Variants in DCAF5 observed in about 807,000 individuals in gnomAD.
DCAF5 encodes the protein DDB1- and CUL4-associated factor 5.
In DCAF5, 9 loss-of-function variants were observed where a neutral mutation model predicts 80.7. That is an observed-to-expected ratio of 0.11 (90% CI 0.07 to 0.19). The LOEUF (loss-of-function observed/expected upper bound fraction) is 0.19, where lower values mean the gene tolerates loss of function less well. Ranked by LOEUF, DCAF5 falls within the 10% of genes least tolerant of loss-of-function variation. DCAF5 has a pLI of 1.00. For synonymous variants in DCAF5, 433 were observed against 461.9 expected, an observed-to-expected ratio of 0.94 and a Z score of 0.80; for missense variants, 842 against 1,205.7, an observed-to-expected ratio of 0.70 and a Z score of 4.47.
intron 5 of DCAF5, among the ~76,000 whole-genome samples, chr14:69,093,407 G>C (rs936705813): frequency 6.6e-6 from 1 of 152,162 alleles, no homozygotes; most frequent in African/African-American, 2.4e-5. Flanking sequence ...GCCTAAATTA[G>C]AGCCTAACAG....
At chr14:69,057,848 A>G (rs1309199351) in intron 8 of DCAF5, among the ~76,000 whole-genome samples, 1 of 152,188 alleles carries the variant, frequency 6.6e-6, no homozygotes, top group East Asian at 1.9e-4. Context: ...CCAGACACAC[A>G]GTACAGCACT....
chr14:69,110,493 C>T (rs534227571), intron 5 of DCAF5, among the ~76,000 whole-genome samples: 1 of 151,984 alleles, frequency 6.6e-6, no homozygotes, highest in Non-Finnish European at 1.5e-5. Flanking sequence ...TGGTCTCAAA[C>T]TCCTGACCTT....
Position 69,053,195 on chromosome 14 carries a change from C to T in DCAF5, c.*662G>A, listed in dbSNP as rs1215559119. The T allele has an allele frequency of 6.6e-6, 1 of 152,220 alleles. No homozygotes were observed. Among genetic ancestry groups the T allele is most frequent in the Non-Finnish European group, 1.5e-5 (1 of 68,044 alleles). The allele number at this position is 152,220 out of a possible 1,614,324, so 9.4% of individuals were successfully genotyped here. A position where few individuals can be genotyped will look rare whatever the true frequency, so the allele number is the denominator to read the frequency against. On this transcript the variant is annotated 3_prime_UTR_variant, in exon 9 of 9. Transcript: ENST00000341516. The stretch of plus-strand genomic sequence containing the variant: ...TCTTAAGTGCTAAACCTCTCATTAG[C>T]ATTAAAAATTCTTTTTTATAGTATG...
At chr14:69,123,372 CA>C in intron 1 of DCAF5, among the ~76,000 whole-genome samples, 1 of 151,986 alleles carries the variant, frequency 6.6e-6, no homozygotes, top group East Asian at 1.9e-4. Flanking sequence ...CTTATACTCG[CA>C]TATCTATGCA....
Position 69,055,277 on chromosome 14 carries a change from G to C in DCAF5, c.1409C>G (p.Pro470Arg), listed in dbSNP as rs2037920788. The C allele has an allele frequency of 6.2e-7, 1 of 1,614,092 alleles. No individual in the cohort carries two copies. The highest frequency in any genetic ancestry group is 1.7e-5 in the Admixed American group (1 of 60,012). Residue 470 changes from proline (P) to arginine (R), a missense_variant, in exon 9 of 9, where the codon CCT becomes CGT. Physicochemically the swap from Pro to Arg is moderately radical, Grantham distance 103 (BLOSUM62 -2). Coordinates refer to ENST00000341516, the MANE Select transcript of DCAF5 (RefSeq NM_003861.3). The surrounding 1 kb of genome is among the most constrained non-coding windows in gnomAD (Gnocchi z 5.6). ...GTCGGCAGACTCATCTACTGTGGGA[G>C]GCGGGGAGCGAGGCAATGAGGCCGA... ...ESSASLPRSP[P>R]PTVDESADNA...
chr14:69,075,440 A>T (rs754721538), intron 6 of DCAF5, 29 bp from the exon 7 acceptor site: 5 of 1,308,236 alleles, frequency 3.8e-6, no homozygotes, highest in Non-Finnish European at 3.2e-6. Flanking sequence ...TATAGATAAC[A>T]TTATATATTA....
Position 69,125,650 on chromosome 14 carries a change from T to C in DCAF5, c.215-3290A>G, listed in dbSNP as rs902280102. On this transcript the variant is annotated intron_variant, in intron 1 of 8. Coordinates refer to ENST00000341516, the MANE Select transcript of DCAF5 (RefSeq NM_003861.3). ...GGTCATAATATCAAGAAAACCTATA[T>C]ACAACATAAATATCTAACAATTCAG... is the stretch of plus-strand genomic sequence containing the variant. Among the ~76,000 whole-genome samples the C allele has an allele frequency of 3.3e-5, 5 of 152,248 alleles. No individual in the cohort carries two copies. In the East Asian group the frequency reaches 5.8e-4, roughly 18 times the overall value.
At chr14:69,065,663 G>A (rs548256675) in intron 7 of DCAF5, among the ~76,000 whole-genome samples, 99 of 152,278 alleles carry the variant, frequency 6.5e-4, no homozygotes, top group Non-Finnish European at 1.8e-4. Flanking sequence ...AGCTGCTACT[G>A]AACAGTTTAC....
At chr14:69,147,903 A>G (rs1268697508) in intron 1 of DCAF5, among the ~76,000 whole-genome samples, 1 of 152,172 alleles carries the variant, frequency 6.6e-6, no homozygotes, top group Non-Finnish European at 1.5e-5. Flanking sequence ...CCAATGCCTT[A>G]AACTTCGATT....
chr14:69,071,487 T>C (rs1419481931), intron 7 of DCAF5, among the ~76,000 whole-genome samples: 1 of 151,898 alleles, frequency 6.6e-6, no homozygotes. Context: ...ATCTAGAGTC[T>C]AGTTCTGATC....
chr14:69,090,443 A>C, intron 6 of DCAF5: 1 of 152,302 alleles, frequency 6.6e-6, no homozygotes. Flanking sequence ...TAAGACTCCA[A>C]CATGAGTATA....
At chr14:69,084,132 C>A in intron 6 of DCAF5, 2 of 845,930 alleles carry the variant, frequency 2.4e-6, no homozygotes, top group Non-Finnish European at 4.2e-6. Flanking sequence ...AGGAATGGAA[C>A]AGGGGTCCTT....
At chr14:69,133,046 T>C (rs938461730) in intron 1 of DCAF5, among the ~76,000 whole-genome samples, 12 of 151,650 alleles carry the variant, frequency 7.9e-5, no homozygotes, top group Non-Finnish European at 5.9e-5. Context: ...TATTATGCTA[T>C]TTGAACTCAA....
intron 6 of DCAF5, 77 bp downstream of exon 6, chr14:69,091,597 G>C: frequency 7.6e-7 from 1 of 1,321,416 alleles, no homozygotes; most frequent in Admixed American, 1.9e-5. Context: ...ATGGTAATGA[G>C]AAATAAAGAC....
At chr14:69,151,229 T>G (rs1230643445) in intron 1 of DCAF5, among the ~76,000 whole-genome samples, 1 of 152,174 alleles carries the variant, frequency 6.6e-6, no homozygotes, top group African/African-American at 2.4e-5. Context: ...GAGGATGATC[T>G]AGGGCCAAAA....
At chr14:69,058,301 T>C (rs2038056723) in intron 8 of DCAF5, among the ~76,000 whole-genome samples, 1 of 151,748 alleles carries the variant, frequency 6.6e-6, no homozygotes, top group Admixed American at 6.6e-5. Flanking sequence ...GGTAGATCAC[T>C]TGAGGTCAGG....
intron 5 of DCAF5, among the ~76,000 whole-genome samples, chr14:69,099,736 G>A (rs2039882889): frequency 6.6e-6 from 1 of 151,788 alleles, no homozygotes; most frequent in African/African-American, 2.4e-5. Flanking sequence ...TGAGCTTAGG[G>A]GTTTGAGGCC....
intron 6 of DCAF5, among the ~76,000 whole-genome samples, chr14:69,078,932 G>A (rs531073569): frequency 4.5e-4 from 68 of 151,918 alleles, no homozygotes; most frequent in Non-Finnish European, 7.2e-4. Context: ...GTGCAATCTC[G>A]GCTCACTGCA....
intron 1 of DCAF5, among the ~76,000 whole-genome samples, chr14:69,125,956 A>T (rs2040860081): frequency 1.3e-5 from 2 of 152,122 alleles, no homozygotes; most frequent in African/African-American, 4.8e-5. Flanking sequence ...AAAATACAGA[A>T]GTGATTTTAG....
Sources: gnomAD v4.1 joint callset for allele counts (sites outside exome capture counted in the v4.1 genomes callset) on GRCh38, gnomAD v4.1.1 for gene constraint, Gnocchi (gnomAD v3.1) non-coding constraint, MANE v1.5 for transcripts, NCBI Gene and HGNC (gene_info 2026-07-23, HGNC 2026-07-21) for gene names.